The following ATAD5 variants were observed in gnomAD, a reference collection of about 807,000 sequenced individuals.
ATAD5 encodes the protein ATPase family AAA domain containing 5.
ATAD5 carries 58 observed loss-of-function variants against 176.9 expected under a neutral mutation model. The observed-to-expected ratio is 0.33, with a 90% confidence interval of 0.27 to 0.41. The LOEUF (loss-of-function observed/expected upper bound fraction) is 0.41. Among genes scored for constraint, ATAD5 ranks in the 10% least tolerant of loss-of-function variants. The probability of loss-of-function intolerance (pLI) is 1.00; values close to 1 mark genes in which losing one functional copy is unlikely to be tolerated. For synonymous variants in ATAD5, 640 were observed against 712.6 expected, an observed-to-expected ratio of 0.90 and a Z score of 1.62; for missense variants, 1,789 against 2,094.1, an observed-to-expected ratio of 0.85 and a Z score of 2.84.
chr17:30,895,016 T>C lies in ATAD5; in HGVS notation c.*103T>C. The C allele has an allele frequency of 4.3e-6, 3 of 692,550 alleles. No homozygotes were observed. The highest frequency in any genetic ancestry group is 3.2e-4 in the Middle Eastern group (1 of 3,142). 42.9% of individuals were successfully genotyped at this position (692,550 alleles called of 1,614,324 possible). The stretch of plus-strand genomic sequence containing the variant: ...GGAAAAGTATATTTCTCGATGTACA[T>C]TTTAAACAAACAATTTGTATATTTT... On this transcript the variant is annotated 3_prime_UTR_variant, in exon 23 of 23. Coordinates refer to ENST00000321990, the MANE Select transcript of ATAD5 (RefSeq NM_024857.5).
intron 18 of ATAD5, 104 bp from the exon 19 acceptor site, chr17:30,887,088 G>C: frequency 1.0e-6 from 1 of 995,586 alleles, no homozygotes; most frequent in Non-Finnish European, 1.4e-6. Flanking sequence ...AAGATAATGT[G>C]AATTTTAGCA....
intron 15 of ATAD5, among the ~76,000 whole-genome samples, chr17:30,877,085 T>A (rs1222963392): frequency 6.6e-6 from 1 of 151,856 alleles, no homozygotes. Context: ...TGGCGCAATC[T>A]TGGCTCACTG....
intron 6 of ATAD5, among the ~76,000 whole-genome samples, chr17:30,853,199 A>G (rs1348986875): frequency 3.9e-5 from 6 of 152,076 alleles, no homozygotes; most frequent in East Asian, 1.9e-4. Context: ...CTGTATTTCA[A>G]TATGAAATTT....
chr17:30,887,311 C>T lies in ATAD5; in HGVS notation c.4197C>T (p.Tyr1399=). The change falls in exon 19 of 23, where the codon TAC becomes TAT. Residue 1399 remains tyrosine, a synonymous_variant. Coordinates refer to ENST00000321990, the MANE Select transcript of ATAD5 (RefSeq NM_024857.5). ...NTCDIRKSIL[Y]LQFWIRSGGG... ...GTGATATCAGAAAAAGTATCCTTTA[C>T]TTACAATTCTGGATTAGAAGTGGAG... 1 of 1,608,190 alleles carries T rather than the reference C, an allele frequency of 6.2e-7. No individual in the cohort carries two copies. Among genetic ancestry groups the T allele is most frequent in the Non-Finnish European group, 8.5e-7 (1 of 1,177,904 alleles).
intron 14 of ATAD5, among the ~76,000 whole-genome samples, chr17:30,873,077 G>A (rs1040798487): frequency 6.6e-6 from 1 of 152,112 alleles, no homozygotes; most frequent in Non-Finnish European, 1.5e-5. Flanking sequence ...TTTATGATGG[G>A]AGGATAAATC....
rs1909842601 is a variant in ATAD5 at position 30,895,141 on chromosome 17, T to TG, written c.*230dup. The TG allele has an allele frequency of 1.2e-5, 4 of 346,848 alleles. No homozygotes were observed. Among genetic ancestry groups the TG allele is most frequent in the Non-Finnish European group, 2.1e-5 (4 of 192,896 alleles). The allele number at this position is 346,848 out of a possible 1,614,324, so 21.5% of individuals were successfully genotyped here. A position where few individuals can be genotyped will look rare whatever the true frequency, so the allele number is the denominator to read the frequency against. ...TTTGTATTATCTGATTTAGCTTTGT[T>TG]GGAGTATTTTTTGTATGTGAGTGAA... On this transcript the variant is annotated 3_prime_UTR_variant, in exon 23 of 23. Transcript: ENST00000321990.
chr17:30,877,026 TTTTG>T (rs1019749190), intron 15 of ATAD5, among the ~76,000 whole-genome samples: 1 of 151,018 alleles, frequency 6.6e-6, no homozygotes, highest in Non-Finnish European at 1.5e-5. Context: ...TTGTTTCAGT[TTTTG>T]TTTGTTTGAG....
At position 30,893,568 on chromosome 17, in the gene ATAD5, T is replaced by G. The variant is rs1244157567; in HGVS notation, c.4715T>G (p.Ile1572Arg). 1 of 1,613,598 alleles carries G rather than the reference T, an allele frequency of 6.2e-7. No individual in the cohort carries two copies. Among genetic ancestry groups the G allele is most frequent in the Admixed American group, 1.7e-5 (1 of 59,974 alleles). ...QKKKQKKTLV[I>R]LDDSDLFDTD... ...AAGAAACAAAAGAAAACATTGGTAA[T>G]ATTAGATGATAGTGATCTATTTGAC... Residue 1572 changes from isoleucine to arginine, a missense_variant, in exon 21 of 23, where the codon ATA becomes AGA. Ile to Arg is a moderately conservative substitution (Grantham distance 97). Coordinates refer to ENST00000321990, the MANE Select transcript of ATAD5 (RefSeq NM_024857.5).
intron 9 of ATAD5, 92 bp downstream of exon 9, chr17:30,858,415 T>G: frequency 1.0e-6 from 1 of 984,588 alleles, no homozygotes; most frequent in Non-Finnish European, 1.3e-6. Context: ...GACGGAGTTT[T>G]GCTCTTGTCG....
At chr17:30,850,590 C>T (rs1184712726) in intron 6 of ATAD5, among the ~76,000 whole-genome samples, 1 of 151,338 alleles carries the variant, frequency 6.6e-6, no homozygotes, top group Admixed American at 6.6e-5. Flanking sequence ...CTTTTTTAGT[C>T]TCCACATAAG....
chr17:30,876,341 ATTTATC>A (rs759284994), intron 14 of ATAD5, 27 bp from the exon 15 acceptor site: 642 of 1,544,408 alleles, frequency 4.2e-4, no homozygotes, highest in Non-Finnish European at 5.3e-4. Context: ...TTTTTAGAAT[ATTTATC>A]TTTAAGTGCA....
chr17:30,874,595 A>T (rs1038775754), intron 14 of ATAD5, among the ~76,000 whole-genome samples: 1 of 140,972 alleles, frequency 7.1e-6, no homozygotes, highest in African/African-American at 2.8e-5. Context: ...TTATAAATTG[A>T]TATCTGTTCA....
rs1326107615 is a variant in ATAD5 at position 30,834,151 on chromosome 17, T to C, written c.70T>C (p.Cys24Arg). The C allele has an allele frequency of 7.1e-6, 11 of 1,544,198 alleles. No individual in the cohort carries two copies. Among genetic ancestry groups the C allele is most frequent in the South Asian group, 1.3e-5 (1 of 77,590 alleles). Reference sequence around the variant, plus strand: ...TTTTTCTCTTTTAAATTGCCAGCCATGCAAAAAGCGAAAGAAAGATGATGA... The same window carrying C: ...TTTTTCTCTTTTAAATTGCCAGCCACGCAAAAAGCGAAAGAAAGATGATGA... ...PPVKDCEIEP[C>R]KKRKKDDDTS... The change falls in exon 2 of 23, where the codon TGC (cysteine) becomes CGC (arginine). Residue 24 changes from cysteine (C) to arginine (R), a missense_variant. Around this residue, in one of 6 missense-constraint regions of ATAD5, gnomAD observed 696 missense variants for 712.5 expected, o/e 0.98. Transcript: ENST00000321990.
At chr17:30,885,418 C>G (rs1002660701) in intron 18 of ATAD5, among the ~76,000 whole-genome samples, 3 of 151,972 alleles carry the variant, frequency 2.0e-5, no homozygotes, top group Non-Finnish European at 4.4e-5. Flanking sequence ...TTTGTTTTTT[C>G]TGCCTTTTAT....
chr17:30,835,905 C>T lies in ATAD5; in HGVS notation c.1824C>T (p.Thr608=), dbSNP rs900484086. ...GRISSTPTTE[T]IRGIDSDDVQ... The stretch of plus-strand genomic sequence containing the variant: ...TTAGCAGCACACCTACTACAGAAAC[C>T]ATTAGAGGTATTGATTCTGACGATG... Residue 608 remains threonine (T), a synonymous_variant, in exon 2 of 23, where the codon ACC becomes ACT. Coordinates refer to ENST00000321990, the MANE Select transcript of ATAD5 (RefSeq NM_024857.5). 3.7e-6 allele frequency: 6 copies of T among 1,613,990 alleles called. No homozygotes were observed. Among genetic ancestry groups the T allele is most frequent in the African/African-American group, 1.3e-5 (1 of 74,916 alleles).
In ATAD5 at chr17:30,834,969, C is replaced by T. The variant is rs201196796; in HGVS notation, c.888C>T (p.Val296=). ...TMSICVPSET[V]DEIVKSGYIS... Reference sequence around the variant, plus strand: ...CAATTTGTGTTCCTTCTGAAACTGTCGACGAAATAGTCAAAAGTGGTTATA... The same window carrying T: ...CAATTTGTGTTCCTTCTGAAACTGTTGACGAAATAGTCAAAAGTGGTTATA... The change falls in exon 2 of 23, where the codon GTC becomes GTT. Residue 296 remains valine, a synonymous_variant. Transcript: ENST00000321990. 2.2e-5 allele frequency: 35 copies of T among 1,613,924 alleles called. No individual in the cohort carries two copies. In the South Asian group the frequency reaches 2.3e-4, roughly 11 times the overall value.
rs899243141 is a variant in ATAD5, at chr17:30,834,835, G to A, written c.754G>A (p.Val252Ile). The change falls in exon 2 of 23, where the codon GTA becomes ATA. Residue 252 changes from valine to isoleucine, a missense_variant. Physicochemically the swap from Val to Ile is conservative, Grantham distance 29. Around this residue, in one of 6 missense-constraint regions of ATAD5, gnomAD observed 696 missense variants for 712.5 expected, o/e 0.98. Transcript: ENST00000321990. ...TTSHANSRDN[V>I]TEAAQLNDSI... is the part of the protein sequence containing the mutation. The stretch of plus-strand genomic sequence containing the variant: ...AAGCCATGCAAACTCTAGAGATAAC[G>A]TAACTGAAGCAGCCCAGTTAAATGA... 7 of 1,613,574 alleles carry A rather than the reference G, an allele frequency of 4.3e-6. No individual in the cohort carries two copies. The East Asian group carries it at 6.7e-5, about 15-fold the overall frequency.
chr17:30,841,896 C>T (rs1401624438), intron 4 of ATAD5, among the ~76,000 whole-genome samples: 1 of 151,954 alleles, frequency 6.6e-6, no homozygotes, highest in Non-Finnish European at 1.5e-5. Flanking sequence ...AACATTTTAC[C>T]CCCTCCTCTT....
Position 30,894,157 on chromosome 17 carries a change from C to G in ATAD5, c.5297+7C>G, listed in dbSNP as rs1207443505. The G allele has an allele frequency of 6.6e-7, 1 of 1,522,178 alleles. No homozygotes were observed. Among genetic ancestry groups the G allele is most frequent in the Non-Finnish European group, 8.8e-7 (1 of 1,136,870 alleles). The allele number at this position is 1,522,178 out of a possible 1,614,324, so 94.3% of individuals were successfully genotyped here. ...AGTCAGCAGCTAATTTAGAGTAAGT[C>G]TTACTTCCTTTACTTTTTATTTTTT... On this transcript the variant is annotated splice_region_variant and intron_variant, in intron 21 of 22. Transcript: ENST00000321990.
Sources: gnomAD v4.1 joint callset for allele counts (sites outside exome capture counted in the v4.1 genomes callset) on GRCh38, gnomAD v4.1.1 for gene constraint, gnomAD v4.1.1 regional missense constraint, MANE v1.5 for transcripts, NCBI Gene and HGNC (gene_info 2026-07-23, HGNC 2026-07-21) for gene names.